Variants in CALD1 observed in about 807,000 individuals in gnomAD.
CALD1 encodes the protein caldesmon 1.
A neutral mutation model predicts 99.9 loss-of-function variants in CALD1; 33 were observed. The ratio of observed to expected loss-of-function variants is 0.33; its 90% CI spans 0.25 to 0.44. The LOEUF is 0.44. Among genes scored for constraint, CALD1 ranks in the 20% least tolerant of loss-of-function variants. The pLI is 1.00. For missense variants in CALD1, 861 were observed against 962.1 expected (o/e 0.89, Z 1.39); for synonymous variants, 310 against 325.0 (o/e 0.95, Z 0.50).
chr7:134,873,232 C>T (rs75986028), intron 3 of CALD1, among the ~76,000 whole-genome samples: 1 of 143,284 alleles, frequency 7.0e-6, no homozygotes, highest in Non-Finnish European at 1.6e-5. Flanking sequence ...CAAAAAAAAA[C>T]ACTATATTCT....
chr7:134,725,946 C>A, the CALD1 span, among the ~76,000 whole-genome samples: 8 of 152,162 alleles, frequency 5.3e-5, no homozygotes, highest in African/African-American at 1.4e-4. Context: ...TCTATGGGGT[C>A]CCCTGATGAC....
At chr7:134,712,035 G>A in the CALD1 span, among the ~76,000 whole-genome samples, 1 of 44,664 alleles carries the variant, frequency 2.2e-5, no homozygotes, top group Non-Finnish European at 3.4e-5. Flanking sequence ...GAGAGGGAGG[G>A]AAGGAGGGAG....
intron 1 of CALD1, among the ~76,000 whole-genome samples, chr7:134,831,615 G>A (rs888107697): frequency 3.3e-5 from 5 of 151,910 alleles, no homozygotes; most frequent in African/African-American, 7.3e-5. Context: ...CACCGCACCC[G>A]GTCTCTGCAT....
chr7:134,913,198 G>A (rs760401039), intron 3 of CALD1, among the ~76,000 whole-genome samples: 10 of 152,102 alleles, frequency 6.6e-5, no homozygotes, highest in South Asian at 2.1e-4. Flanking sequence ...CCAGGGACGT[G>A]GAGGTTGCAG....
chr7:134,829,093 C>T (rs1799120391), intron 1 of CALD1, among the ~76,000 whole-genome samples: 1 of 152,166 alleles, frequency 6.6e-6, no homozygotes, highest in African/African-American at 2.4e-5. Context: ...TACTAAATGG[C>T]AGGCAACTGC....
chr7:134,950,861 A>G (rs1584655703), intron 9 of CALD1, among the ~76,000 whole-genome samples: 1 of 152,312 alleles, frequency 6.6e-6, no homozygotes, highest in African/African-American at 2.4e-5. Context: ...TGGGAGGCTT[A>G]GGCAGGAGAA....
chr7:134,775,065 C>T (rs1193820795), upstream of CALD1, among the ~76,000 whole-genome samples: 4 of 151,878 alleles, frequency 2.6e-5, no homozygotes, highest in African/African-American at 9.7e-5. Flanking sequence ...CTAATCATTT[C>T]TGTTTGTTTT....
Position 134,958,097 on chromosome 7 carries a change from A to G in CALD1, c.1964A>G (p.Lys655Arg), listed in dbSNP as rs567790338. The G allele has an allele frequency of 6.2e-7, 1 of 1,610,404 alleles. No homozygotes were observed. The highest frequency in any genetic ancestry group is 1.7e-5 in the Admixed American group (1 of 60,020). Residue 655 changes from lysine to arginine, a missense_variant, in exon 10 of 15, where the codon AAG becomes AGG. Coordinates refer to ENST00000361675, the MANE Select transcript of CALD1 (RefSeq NM_033138.4). ...KIEERAEFLN[K>R]SVQKSSGVKS... ...GAAGAGCGAGCAGAATTTTTGAATA[A>G]GTCTGTGCAGAAAAGGTAAATATGC...
At chr7:134,907,181 T>G (rs948584128) in intron 3 of CALD1, among the ~76,000 whole-genome samples, 90 of 152,232 alleles carry the variant, frequency 5.9e-4, no homozygotes, top group African/African-American at 2.1e-3. Context: ...CAGGATAGGA[T>G]TAGTGGGACA....
intron 1 of CALD1, among the ~76,000 whole-genome samples, chr7:134,830,238 C>G (rs1326094659): frequency 1.3e-5 from 2 of 152,186 alleles, no homozygotes; most frequent in Non-Finnish European, 2.9e-5. Context: ...ACCAGAGGCT[C>G]TACTATGATG....
intron 1 of CALD1, among the ~76,000 whole-genome samples, chr7:134,746,800 T>C (rs1293059100): frequency 6.6e-6 from 1 of 152,232 alleles, no homozygotes; most frequent in Non-Finnish European, 1.5e-5. Context: ...GCAATTCTAT[T>C]TTTAAAGTGG....
intron 3 of CALD1, among the ~76,000 whole-genome samples, chr7:134,919,981 GA>G (rs552288365): frequency 6.6e-6 from 1 of 151,712 alleles, no homozygotes; most frequent in African/African-American, 2.4e-5. Context: ...GGAATCCAAG[GA>G]AAAAAATTCA....
intron 2 of CALD1, among the ~76,000 whole-genome samples, chr7:134,851,681 G>A (rs536603647): frequency 3.3e-5 from 5 of 152,088 alleles, no homozygotes; most frequent in Non-Finnish European, 5.9e-5. Flanking sequence ...CACCCCTACT[G>A]ACAATGACTG....
intron 1 of CALD1, among the ~76,000 whole-genome samples, chr7:134,810,839 T>A (rs976962220): frequency 1.9e-4 from 29 of 152,200 alleles, no homozygotes; most frequent in African/African-American, 6.5e-4. Flanking sequence ...TCCTGGGCCA[T>A]GGAGGAATGG....
intron 1 of CALD1, among the ~76,000 whole-genome samples, chr7:134,830,127 A>G (rs910358030): frequency 1.3e-5 from 2 of 152,028 alleles, no homozygotes; most frequent in Non-Finnish European, 2.9e-5. Flanking sequence ...TGAGTTATAG[A>G]GAGGAAACAA....
chr7:134,895,304 G>A (rs1041116935), intron 3 of CALD1, among the ~76,000 whole-genome samples: 23 of 96,146 alleles, frequency 2.4e-4, no homozygotes, highest in South Asian at 5.7e-4. Context: ...ATGTATGTGT[G>A]TGTGTGTGTG....
intron 5 of CALD1, among the ~76,000 whole-genome samples, chr7:134,934,458 C>T (rs985775193): frequency 1.3e-5 from 2 of 152,140 alleles, no homozygotes; most frequent in Non-Finnish European, 2.9e-5. Context: ...TTCCTCTATC[C>T]ATAGGTCTGC....
chr7:134,888,978 AT>A (rs11339740), intron 3 of CALD1, among the ~76,000 whole-genome samples: 35,227 of 151,672 alleles, frequency 0.23, 4,631 homozygotes, highest in African/African-American at 0.35. Flanking sequence ...AAGAACCACA[AT>A]TTTTTTTTCT....
At chr7:134,879,364 G>A (rs1055956443) in intron 3 of CALD1, among the ~76,000 whole-genome samples, 1 of 152,192 alleles carries the variant, frequency 6.6e-6, no homozygotes, top group Admixed American at 6.5e-5. Context: ...TATCTAATGA[G>A]CACTATTCAT....
Sources: allele counts gnomAD v4.1 joint callset (sites outside exome capture counted in the v4.1 genomes callset), GRCh38; gene constraint gnomAD v4.1.1; transcripts MANE v1.5; gene names NCBI Gene and HGNC (gene_info 2026-07-23, HGNC 2026-07-21).